TSHZ3: variants seen among roughly 807,000 people sequenced by gnomAD.
The protein encoded by TSHZ3 is teashirt zinc finger homeobox 3.
A neutral mutation model predicts 64.5 loss-of-function variants in TSHZ3; 10 were observed. That is an observed-to-expected ratio of 0.16 (90% CI 0.10 to 0.26). The LOEUF (loss-of-function observed/expected upper bound fraction) is 0.26, where lower values mean the gene tolerates loss of function less well. Ranked by LOEUF, TSHZ3 falls within the 10% of genes least tolerant of loss-of-function variation. TSHZ3 has a pLI of 1.00. For missense variants in TSHZ3, 1,242 were observed against 1,421.7 expected (o/e 0.87, Z 2.03); for synonymous variants, 608 against 593.1 (o/e 1.03, Z -0.36).
chr19:31,158,059 C>T (rs1408444082), intron 5 of TSHZ3, among the ~76,000 whole-genome samples: 2 of 152,158 alleles, frequency 1.3e-5, no homozygotes, highest in African/African-American at 4.8e-5. Flanking sequence ...GGATTGAGGA[C>T]AAAACTATAG....
chr19:31,163,867 G>A (rs913735375), intron 5 of TSHZ3, among the ~76,000 whole-genome samples: 4 of 152,162 alleles, frequency 2.6e-5, no homozygotes, highest in Non-Finnish European at 5.9e-5. Flanking sequence ...GTATATACTG[G>A]GGGCTTACCC....
At chr19:31,286,359 G>A (rs1014354072) in intron 1 of TSHZ3, among the ~76,000 whole-genome samples, 1 of 152,168 alleles carries the variant, frequency 6.6e-6, no homozygotes, top group African/African-American at 2.4e-5. Flanking sequence ...AACAACCTTG[G>A]AAGCCCACAT....
chr19:31,293,754 C>G (rs1319944598), intron 1 of TSHZ3, among the ~76,000 whole-genome samples: 3 of 152,190 alleles, frequency 2.0e-5, no homozygotes, highest in African/African-American at 4.8e-5. Flanking sequence ...CATAAATTCT[C>G]TTTCCATATA....
intron 4 of TSHZ3, among the ~76,000 whole-genome samples, chr19:31,206,076 A>AATGG (rs58291208): frequency 1.5e-3 from 215 of 145,558 alleles, no homozygotes; most frequent in South Asian, 2.4e-3. Context: ...GGATGGGTGA[A>AATGG]ATGGATGGAT....
chr19:31,325,582 C>A (rs908156145), intron 1 of TSHZ3, among the ~76,000 whole-genome samples: 1 of 152,108 alleles, frequency 6.6e-6, no homozygotes, highest in African/African-American at 2.4e-5. Flanking sequence ...CTGTGGGAAG[C>A]GAAATGTGTG....
intron 4 of TSHZ3, among the ~76,000 whole-genome samples, chr19:31,209,853 C>T (rs1319506644): frequency 1.3e-5 from 2 of 152,096 alleles, no homozygotes; most frequent in African/African-American, 4.8e-5. Context: ...CAAGGGCCCC[C>T]AACCCCTTCT....
chr19:31,346,183 C>G (rs1313302593), intron 1 of TSHZ3, among the ~76,000 whole-genome samples: 1 of 152,162 alleles, frequency 6.6e-6, no homozygotes, highest in African/African-American at 2.4e-5. Context: ...ATATGAAGAC[C>G]GTGTGTACCT....
At chr19:31,232,211 C>T (rs777277894) in intron 3 of TSHZ3, among the ~76,000 whole-genome samples, 6 of 151,964 alleles carry the variant, frequency 3.9e-5, no homozygotes, top group East Asian at 1.9e-4. Context: ...AAATGAAGAG[C>T]GGATTGCTCC....
chr19:31,206,045 G>A (rs147718610), intron 4 of TSHZ3, among the ~76,000 whole-genome samples: 1 of 151,910 alleles, frequency 6.6e-6, no homozygotes, highest in Non-Finnish European at 1.5e-5. Flanking sequence ...TGATGGGTGA[G>A]TGGAAGATAA....
At chr19:31,268,229 T>A (rs768172879) in intron 1 of TSHZ3, among the ~76,000 whole-genome samples, 2 of 152,162 alleles carry the variant, frequency 1.3e-5, no homozygotes, top group Non-Finnish European at 2.9e-5. Flanking sequence ...CCATTAAACC[T>A]CTTTCCTTCA....
rs952295569 is a variant in TSHZ3, at chr19:31,188,711, G to A, written n.809+16245C>T. Among the ~76,000 whole-genome samples, 8 of 151,820 alleles carry A rather than the reference G, an allele frequency of 5.3e-5. No individual in the cohort carries two copies. The East Asian group carries it at 1.2e-3, about 22-fold the overall frequency. On this transcript the variant is annotated intron_variant and non_coding_transcript_variant, in intron 5 of 6. Transcript: ENST00000651361. Reference sequence around the variant, plus strand: ...TTTTTATGTATATTTTGTTAAGAATGTTTGCATTTAAGTTCATGAGAAATA... The same window carrying A: ...TTTTTATGTATATTTTGTTAAGAATATTTGCATTTAAGTTCATGAGAAATA...
At chr19:31,260,993 G>A (rs908095926) in intron 1 of TSHZ3, among the ~76,000 whole-genome samples, 6 of 152,176 alleles carry the variant, frequency 3.9e-5, no homozygotes, top group African/African-American at 1.2e-4. Flanking sequence ...TTTTGAATGC[G>A]GGGCGTGGTG....
intron 5 of TSHZ3, among the ~76,000 whole-genome samples, chr19:31,178,185 A>G (rs572287884): frequency 2.0e-5 from 3 of 152,298 alleles, no homozygotes; most frequent in Non-Finnish European, 4.4e-5. Flanking sequence ...TGTTTAATTG[A>G]ACAAATGTTT....
At chr19:31,198,751 A>C (rs560676007) in intron 5 of TSHZ3, among the ~76,000 whole-genome samples, 1 of 152,312 alleles carries the variant, frequency 6.6e-6, no homozygotes, top group Admixed American at 6.5e-5. Flanking sequence ...ATATGAAGAA[A>C]ACTATAAAAC....
At chr19:31,267,853 G>A (rs74436087) in intron 1 of TSHZ3, among the ~76,000 whole-genome samples, 2,710 of 152,284 alleles carry the variant, frequency 0.018, 40 homozygotes, top group Non-Finnish European at 0.029. Context: ...GCTGAGATGA[G>A]AAGCTGGAGA....
intron 6 of TSHZ3, among the ~76,000 whole-genome samples, chr19:31,154,621 T>C (rs187543293): frequency 7.2e-5 from 11 of 152,286 alleles, no homozygotes; most frequent in Non-Finnish European, 1.5e-4. Context: ...GGGTTCATGT[T>C]AACAGGCCCC....
chr19:31,177,093 AATATT>A (rs1380690530), intron 5 of TSHZ3, among the ~76,000 whole-genome samples: 1 of 152,098 alleles, frequency 6.6e-6, no homozygotes, highest in Non-Finnish European at 1.5e-5. Context: ...GCAAAAAGAG[AATATT>A]CCTGCCCTAT....
intron 1 of TSHZ3, among the ~76,000 whole-genome samples, chr19:31,295,254 C>T (rs927135936): frequency 9.9e-5 from 15 of 152,180 alleles, no homozygotes; most frequent in East Asian, 1.9e-4. Context: ...TCAGTATCTA[C>T]GAAAGCTACA....
downstream of TSHZ3, among the ~76,000 whole-genome samples, chr19:31,270,767 T>C (rs912303311): frequency 9.2e-5 from 14 of 152,230 alleles, no homozygotes; most frequent in Non-Finnish European, 2.1e-4. Flanking sequence ...GTCTACTATA[T>C]TGGACAGCAC....
Sources: allele counts gnomAD v4.1 joint callset (sites outside exome capture counted in the v4.1 genomes callset), GRCh38; gene constraint gnomAD v4.1.1; transcripts MANE v1.5; gene names NCBI Gene and HGNC (gene_info 2026-07-23, HGNC 2026-07-21).